NUP188: variants seen among roughly 807,000 people sequenced by gnomAD.
NUP188 encodes nucleoporin NUP188.
Under a neutral mutation model 223.0 loss-of-function variants are expected in NUP188, and 97 were observed. That is an observed-to-expected ratio of 0.43 (90% CI 0.37 to 0.51). The LOEUF (loss-of-function observed/expected upper bound fraction) is 0.51, where lower values mean the gene tolerates loss of function less well. Ranked by LOEUF, NUP188 falls within the 20% of genes least tolerant of loss-of-function variation. NUP188 has a pLI of 0.00. For missense variants in NUP188, 1,947 were observed against 2,175.6 expected (o/e 0.89, Z 2.09); for synonymous variants, 869 against 828.0 (o/e 1.05, Z -0.85).
At chr9:128,951,289 AAAGC>A (rs1564548347) in intron 2 of NUP188, among the ~76,000 whole-genome samples, 1 of 148,992 alleles carries the variant, frequency 6.7e-6, no homozygotes, top group African/African-American at 2.5e-5. Context: ...CCTGGGTGAC[AAAGC>A]GAGACTCCAT....
intron 11 of NUP188, 36 bp from the exon 12 acceptor site, chr9:128,973,124 A>C (rs761961449): frequency 1.8e-5 from 25 of 1,365,468 alleles, no homozygotes; most frequent in Non-Finnish European, 2.5e-5. Flanking sequence ...GAGTTGTATT[A>C]CTCAGAATGA....
chr9:128,993,455 T>C, intron 26 of NUP188, 52 bp downstream of exon 26: 2 of 1,609,796 alleles, frequency 1.2e-6, no homozygotes, highest in Non-Finnish European at 1.7e-6. Flanking sequence ...GGGAGGCAGA[T>C]GCTGGGCTCT....
Position 128,980,743 on chromosome 9 carries a change from A to G in NUP188, c.1389+18A>G, listed in dbSNP as rs761415700. ...CCAAAAAGGTAAGTTGCTTAGTCAG[A>G]TAAGTAAAGAGAATGGGAGATTCTT... On this transcript the variant is annotated intron_variant, in intron 14 of 43. Transcript: ENST00000372577. 15 of 1,612,346 alleles carry G rather than the reference A, an allele frequency of 9.3e-6. No homozygotes were observed. Among genetic ancestry groups the G allele is most frequent in the Middle Eastern group, 1.6e-4 (1 of 6,068 alleles).
chr9:128,971,881 C>T lies in NUP188; in HGVS notation c.1113+923C>T, dbSNP rs535554253. Among the ~76,000 whole-genome samples, 30 of 152,250 alleles carry T rather than the reference C, an allele frequency of 2.0e-4. No homozygotes were observed. The East Asian group carries it at 5.4e-3, about 27-fold the overall frequency. ...CTGCCTCCCGGGTTCAAGTGATTCT[C>T]GTGCCTCAGCCTCCCAAGTAGCTGG... On this transcript the variant is annotated intron_variant, in intron 11 of 43. Coordinates refer to ENST00000372577, the MANE Select transcript of NUP188 (RefSeq NM_015354.3).
intron 30 of NUP188, 138 bp from the exon 31 acceptor site, chr9:128,998,013 C>A: frequency 1.4e-6 from 1 of 691,328 alleles, no homozygotes; most frequent in Admixed American, 2.1e-5. Flanking sequence ...GCCACCACGC[C>A]CGGCCTATAT....
chr9:129,005,030 A>AGGG (rs1842753967), intron 38 of NUP188, 117 bp from the exon 39 acceptor site: 30 of 720,894 alleles, frequency 4.2e-5, no homozygotes, highest in Admixed American at 1.4e-4. Context: ...GAGGGAGAGA[A>AGGG]GAGCAGCAGC....
chr9:128,959,657 C>G (rs1841919594), intron 8 of NUP188, among the ~76,000 whole-genome samples: 1 of 151,540 alleles, frequency 6.6e-6, no homozygotes, highest in African/African-American at 2.4e-5. Context: ...CCCAGCCTCC[C>G]AAGTAGCTGG....
intron 25 of NUP188, among the ~76,000 whole-genome samples, chr9:128,992,357 T>G (rs1842448254): frequency 6.6e-6 from 1 of 152,106 alleles, no homozygotes; most frequent in South Asian, 2.1e-4. Context: ...AACACCCAGC[T>G]GATTTTTTTG....
rs1411831693 is a variant in NUP188, at chr9:128,993,355, C to T, written c.2799C>T (p.Ile933=). 5.6e-6 allele frequency: 9 copies of T among 1,614,040 alleles called. No homozygotes were observed. The highest frequency in any genetic ancestry group is 1.3e-5 in the African/African-American group (1 of 74,912). The change falls in exon 26 of 44, where the codon ATC becomes ATT. Residue 933 remains isoleucine, a synonymous_variant. Coordinates refer to ENST00000372577, the MANE Select transcript of NUP188 (RefSeq NM_015354.3). ...TVAVETQPGL[I]ELFLNLEVKD... The stretch of plus-strand genomic sequence containing the variant: ...CAGTAGAGACCCAGCCAGGCCTCAT[C>T]GAACTGTTTCTGAACCTGGAAGTTA...
At chr9:128,960,059 C>CTTTTTTTT (rs956759518) in intron 8 of NUP188, among the ~76,000 whole-genome samples, 26 of 103,780 alleles carry the variant, frequency 2.5e-4, no homozygotes, top group Non-Finnish European at 3.1e-4. Flanking sequence ...TTATTTTATT[C>CTTTTTTTT]TTTTTTTTTT....
chr9:128,960,646 G>C (rs62585598), intron 8 of NUP188, among the ~76,000 whole-genome samples: 5,694 of 152,238 alleles, frequency 0.037, 139 homozygotes, highest in Non-Finnish European at 0.06. Context: ...GCTATAAAAG[G>C]TGTAAAAGAA....
intron 30 of NUP188, 117 bp downstream of exon 30, chr9:128,995,631 C>T (rs1842511616): frequency 7.9e-6 from 7 of 887,180 alleles, no homozygotes; most frequent in Non-Finnish European, 1.0e-5. Context: ...TCCCTGAGAG[C>T]TAAACTGTAA....
chr9:128,960,152 C>T (rs1841926973), intron 8 of NUP188, among the ~76,000 whole-genome samples: 1 of 150,494 alleles, frequency 6.6e-6, no homozygotes, highest in South Asian at 2.1e-4. Context: ...CAGGCTCCAC[C>T]TCCCGGGTTC....
chr9:128,957,564 A>G lies in NUP188; in HGVS notation c.328-446A>G, dbSNP rs544300054. On this transcript the variant is annotated intron_variant, in intron 5 of 43. Transcript: ENST00000372577. ...ACTGGAAGCTCTGTCTCCCGGGTTC[A>G]CGCCATTCTCCTGCCTCAGCCTCCC... Among the ~76,000 whole-genome samples the G allele has an allele frequency of 2.6e-5, 4 of 152,000 alleles. No individual in the cohort carries two copies. The South Asian group carries it at 8.3e-4, about 32-fold the overall frequency.
Position 129,006,047 on chromosome 9 carries a change from C to T in NUP188, c.4870-3C>T, listed in dbSNP as rs1564570229. 1.2e-6 allele frequency: 2 copies of T among 1,614,160 alleles called. No individual in the cohort carries two copies. The highest frequency in any genetic ancestry group is 8.5e-7 in the Non-Finnish European group (1 of 1,180,014). ...TTAGTTTTTTACCCTTGCTTCTCTT[C>T]AGCTGGACAAGAAAAAGGAGCCCCT... is the stretch of plus-strand genomic sequence containing the variant. On this transcript the variant is annotated splice_polypyrimidine_tract_variant and splice_region_variant and intron_variant, in intron 41 of 43. Transcript: ENST00000372577.
intron 8 of NUP188, among the ~76,000 whole-genome samples, chr9:128,964,653 A>G (rs1842002922): frequency 1.3e-5 from 2 of 150,874 alleles, no homozygotes; most frequent in East Asian, 3.9e-4. Context: ...GATGACAGGC[A>G]TGAGCCACTG....
At chr9:128,994,626 G>A (rs188428708) in intron 28 of NUP188, among the ~76,000 whole-genome samples, 184 bp downstream of exon 28, 13 of 152,344 alleles carry the variant, frequency 8.5e-5, no homozygotes, top group African/African-American at 2.6e-4. Context: ...GCTTTGGGAA[G>A]GAAAGTGGTT....
intron 24 of NUP188, among the ~76,000 whole-genome samples, chr9:128,989,413 AAGAT>A (rs1348170422): frequency 6.6e-6 from 1 of 152,086 alleles, no homozygotes; most frequent in East Asian, 1.9e-4. Flanking sequence ...AAAAGAAAAA[AAGAT>A]AGGCTGGGTG....
chr9:128,975,469 G>A (rs1385779903), intron 12 of NUP188, among the ~76,000 whole-genome samples: 3 of 151,804 alleles, frequency 2.0e-5, no homozygotes, highest in African/African-American at 4.8e-5. Flanking sequence ...TGATCCGCCC[G>A]CCTCAGCCTC....
Sources: allele counts gnomAD v4.1 joint callset (sites outside exome capture counted in the v4.1 genomes callset), GRCh38; gene constraint gnomAD v4.1.1; transcripts MANE v1.5; gene names NCBI Gene and HGNC (gene_info 2026-07-23, HGNC 2026-07-21).